The following LY86 variants were observed in gnomAD, a reference collection of about 807,000 sequenced individuals.
LY86 encodes lymphocyte antigen 86.
A neutral mutation model predicts 17.3 loss-of-function variants in LY86; 20 were observed. The ratio of observed to expected loss-of-function variants is 1.15; its 90% CI spans 0.81 to 1.68. The LOEUF (loss-of-function observed/expected upper bound fraction) is 1.68, where lower values mean the gene tolerates loss of function less well. Among genes scored for constraint, LY86 ranks in the 40% most tolerant of loss-of-function variants. LY86 has a pLI of 0.00. For missense variants in LY86, 200 were observed against 191.9 expected (o/e 1.04, Z -0.25); for synonymous variants, 74 against 70.6 (o/e 1.05, Z -0.24).
chr6:6,605,975 C>G (rs4960222), intron 1 of LY86, among the ~76,000 whole-genome samples: 4 of 151,768 alleles, frequency 2.6e-5, no homozygotes, highest in Non-Finnish European at 5.9e-5. Context: ...ACCCAAAGAG[C>G]GACCACCAGC....
intron 1 of LY86, among the ~76,000 whole-genome samples, chr6:6,607,119 C>T (rs989561352): frequency 3.9e-5 from 6 of 152,248 alleles, no homozygotes; most frequent in Non-Finnish European, 7.3e-5. Context: ...CAATAGCACA[C>T]AGAGGAGGGG....
intron 1 of LY86, among the ~76,000 whole-genome samples, chr6:6,597,341 G>C (rs533786459): frequency 6.6e-6 from 1 of 152,284 alleles, no homozygotes; most frequent in Admixed American, 6.5e-5. Flanking sequence ...AGAGGTTGTC[G>C]ATCCTAATTA....
intron 3 of LY86, among the ~76,000 whole-genome samples, chr6:6,638,935 C>A (rs1474686263): frequency 6.6e-6 from 1 of 151,638 alleles, no homozygotes; most frequent in Non-Finnish European, 1.5e-5. Flanking sequence ...GGTATATACC[C>A]AAAGGACTAT....
At chr6:6,652,781 A>C (rs1395868167) in intron 4 of LY86, among the ~76,000 whole-genome samples, 1 of 152,140 alleles carries the variant, frequency 6.6e-6, no homozygotes, top group Non-Finnish European at 1.5e-5. Context: ...CGCTTGCCTA[A>C]ATATTCTTAT....
chr6:6,625,934 A>G (rs1183470065), intron 2 of LY86, among the ~76,000 whole-genome samples: 1 of 152,142 alleles, frequency 6.6e-6, no homozygotes, highest in Non-Finnish European at 1.5e-5. Flanking sequence ...GCGTGACCAC[A>G]CCCCACCGCC....
intron 3 of LY86, among the ~76,000 whole-genome samples, chr6:6,637,526 G>A (rs1042297212): frequency 5.3e-5 from 8 of 152,126 alleles, no homozygotes; most frequent in Admixed American, 2.0e-4. Context: ...ATCCTTGACC[G>A]TTATGGAATT....
chr6:6,641,928 C>A (rs996040976), intron 3 of LY86, among the ~76,000 whole-genome samples: 1 of 152,230 alleles, frequency 6.6e-6, no homozygotes, highest in Non-Finnish European at 1.5e-5. Context: ...CCCTCAGCAA[C>A]CCCTGGGGAA....
At chr6:6,613,879 C>T (rs964975001) in intron 1 of LY86, among the ~76,000 whole-genome samples, 18 of 152,248 alleles carry the variant, frequency 1.2e-4, no homozygotes, top group Admixed American at 6.5e-4. Flanking sequence ...AACCAGCTCC[C>T]ACAGTGCAGT....
intron 1 of LY86, among the ~76,000 whole-genome samples, chr6:6,622,084 T>C (rs1360256873): frequency 6.6e-6 from 1 of 152,206 alleles, no homozygotes; most frequent in Admixed American, 6.5e-5. Flanking sequence ...CACCAAACCC[T>C]TAAGCGCTTT....
intron 3 of LY86, among the ~76,000 whole-genome samples, chr6:6,639,250 C>G (rs1400429339): frequency 2.0e-5 from 3 of 152,174 alleles, no homozygotes; most frequent in Non-Finnish European, 2.9e-5. Flanking sequence ...AACCCAAGCA[C>G]TTTCTCTTCT....
intron 4 of LY86, among the ~76,000 whole-genome samples, chr6:6,651,408 T>G (rs192661768): frequency 1.1e-4 from 16 of 152,324 alleles, no homozygotes; most frequent in African/African-American, 3.6e-4. Flanking sequence ...TCATTGCTCT[T>G]GCAGCTGGGA....
chr6:6,608,086 C>T (rs940862721), intron 1 of LY86, among the ~76,000 whole-genome samples: 4 of 152,140 alleles, frequency 2.6e-5, no homozygotes, highest in African/African-American at 4.8e-5. Context: ...ACATTGGAAA[C>T]GTTCCCTTTA....
At chr6:6,650,416 C>G (rs767900010) in intron 4 of LY86, among the ~76,000 whole-genome samples, 16 of 150,672 alleles carry the variant, frequency 1.1e-4, no homozygotes, top group Non-Finnish European at 1.8e-4. Flanking sequence ...CTCACTGCAA[C>G]CTCTGCCTCC....
chr6:6,603,610 AAAAACAAAC>A (rs1561778039), intron 1 of LY86, among the ~76,000 whole-genome samples: 6 of 35,276 alleles, frequency 1.7e-4, no homozygotes, highest in Non-Finnish European at 3.9e-4. Context: ...AAACAGAAAA[AAAAACAAAC>A]AAAAAAAAAC....
intron 1 of LY86, among the ~76,000 whole-genome samples, chr6:6,607,491 A>G (rs147135838): frequency 6.5e-4 from 99 of 151,658 alleles, no homozygotes; most frequent in African/African-American, 2.0e-3. Context: ...AAACAAAACA[A>G]TAAAAACAAA....
chr6:6,613,812 C>T (rs939005967), intron 1 of LY86, among the ~76,000 whole-genome samples: 7 of 152,252 alleles, frequency 4.6e-5, no homozygotes, highest in African/African-American at 1.7e-4. Context: ...AATAGGGCCC[C>T]TTACTTTCCC....
intron 3 of LY86, among the ~76,000 whole-genome samples, chr6:6,646,012 A>G (rs1017579801): frequency 4.6e-5 from 7 of 152,056 alleles, no homozygotes; most frequent in Non-Finnish European, 1.0e-4. Context: ...TCTACTGGGA[A>G]AAAGATAACT....
intron 3 of LY86, among the ~76,000 whole-genome samples, chr6:6,631,500 T>C (rs1450178820): frequency 6.6e-6 from 1 of 152,242 alleles, no homozygotes; most frequent in East Asian, 1.9e-4. Context: ...TCTTTGGGCA[T>C]AACCAGCCAT....
chr6:6,647,268 G>A (rs1452833392), intron 3 of LY86, among the ~76,000 whole-genome samples: 2 of 152,108 alleles, frequency 1.3e-5, no homozygotes, highest in African/African-American at 4.8e-5. Context: ...CATGTCTTCA[G>A]TTATTCCCTC....
Sources: allele counts gnomAD v4.1 joint callset (sites outside exome capture counted in the v4.1 genomes callset), GRCh38; gene constraint gnomAD v4.1.1; transcripts MANE v1.5; gene names NCBI Gene and HGNC (gene_info 2026-07-23, HGNC 2026-07-21).